Variants in ANXA3 observed in about 807,000 individuals in gnomAD.
ANXA3 encodes annexin A3.
In ANXA3, 46 loss-of-function variants were observed where a neutral mutation model predicts 48.8. The ratio of observed to expected loss-of-function variants is 0.94; its 90% CI spans 0.74 to 1.21. The LOEUF (loss-of-function observed/expected upper bound fraction) is 1.21, where lower values mean the gene tolerates loss of function less well. Ranked by LOEUF, ANXA3 falls within the 50% of genes most tolerant of loss-of-function variation. The pLI, the probability that ANXA3 is intolerant of heterozygous loss-of-function variation, is 0.00. For synonymous variants in ANXA3, 128 were observed against 134.7 expected (o/e 0.95, Z 0.35); for missense variants, 383 against 378.6 (o/e 1.01, Z -0.10).
At chr4:78,558,953 A>G (rs1283429436) in intron 2 of ANXA3, among the ~76,000 whole-genome samples, 1 of 152,212 alleles carries the variant, frequency 6.6e-6, no homozygotes, top group African/African-American at 2.4e-5. Context: ...TTTCTTAGGT[A>G]AATACTCTGA....
At position 78,579,007 on chromosome 4, in the gene ANXA3, A is replaced by G. The variant is rs775883378; in HGVS notation, c.104-20A>G. ...ATGTTGAGCATAAATATTGAGTAAA[A>G]TAACTTTTGTTTCATTTAGGAACTG... is the stretch of plus-strand genomic sequence containing the variant. On this transcript the variant is annotated intron_variant, in intron 3 of 12. Transcript: ENST00000264908. 16 of 1,550,742 alleles carry G rather than the reference A, an allele frequency of 1.0e-5. No individual in the cohort carries two copies. The highest frequency in any genetic ancestry group is 1.7e-4 in the Middle Eastern group (1 of 5,926).
intron 4 of ANXA3, 68 bp downstream of exon 4, chr4:78,579,189 T>A (rs1323303949): frequency 9.6e-7 from 1 of 1,042,834 alleles, no homozygotes; most frequent in Non-Finnish European, 1.5e-6. Context: ...CCCACATGGT[T>A]ATGCCCACAG....
At chr4:78,585,951 G>A (rs2109939657) in intron 5 of ANXA3, among the ~76,000 whole-genome samples, 1 of 152,308 alleles carries the variant, frequency 6.6e-6, no homozygotes, top group East Asian at 1.9e-4. Flanking sequence ...TTGAATGTTG[G>A]TAGGGTTAAT....
intron 4 of ANXA3, among the ~76,000 whole-genome samples, chr4:78,581,920 A>G (rs563494982): frequency 6.6e-6 from 1 of 152,228 alleles, no homozygotes; most frequent in African/African-American, 2.4e-5. Context: ...GCATTTGAAT[A>G]CAGTTCCTAA....
Position 78,552,929 on chromosome 4 carries a change from A to G in ANXA3, c.-39+1070A>G, listed in dbSNP as rs577974859. Among the ~76,000 whole-genome samples, 5 of 152,358 alleles carry G rather than the reference A, an allele frequency of 3.3e-5. No individual in the cohort carries two copies. In the East Asian group the frequency reaches 9.6e-4, roughly 29 times the overall value. On this transcript the variant is annotated intron_variant, in intron 1 of 12. Transcript: ENST00000264908. ...ACCTGTTTAGAAATAACCGTAGAGG[A>G]GGAAGTAAAAGGAAATGATGTAATC...
intron 4 of ANXA3, 22 bp from the exon 5 acceptor site, chr4:78,582,154 TC>T (rs1723084051): frequency 6.7e-7 from 1 of 1,502,298 alleles, no homozygotes; most frequent in Non-Finnish European, 9.2e-7. Context: ...TTCACATTTT[TC>T]CCCTTGGTTT....
intron 5 of ANXA3, 93 bp downstream of exon 5, chr4:78,582,383 C>A: frequency 1.3e-6 from 1 of 788,646 alleles, no homozygotes; most frequent in Non-Finnish European, 2.1e-6. Flanking sequence ...GATGGGTGGA[C>A]TTGGATGCCC....
At chr4:78,583,749 G>C (rs1046453153) in intron 5 of ANXA3, among the ~76,000 whole-genome samples, 12 of 152,224 alleles carry the variant, frequency 7.9e-5, no homozygotes, top group African/African-American at 2.9e-4. Flanking sequence ...ACAAGCTGAA[G>C]CTGCTGTCCA....
intron 6 of ANXA3, among the ~76,000 whole-genome samples, chr4:78,588,480 C>T (rs991862482): frequency 3.9e-5 from 6 of 152,162 alleles, no homozygotes; most frequent in African/African-American, 1.2e-4. Flanking sequence ...TATAACCCCC[C>T]AGACCTGAGA....
At chr4:78,567,940 C>T (rs1000038790) in intron 2 of ANXA3, among the ~76,000 whole-genome samples, 3 of 152,252 alleles carry the variant, frequency 2.0e-5, no homozygotes, top group African/African-American at 7.2e-5. Flanking sequence ...ATACTGGCAG[C>T]TCGCAGCTGC....
At chr4:78,601,687 ATAAAT>A (rs1723546204) in intron 11 of ANXA3, 119 bp downstream of exon 11, 1 of 823,206 alleles carries the variant, frequency 1.2e-6, no homozygotes, top group Non-Finnish European at 1.9e-6. Context: ...ACATTTTAAG[ATAAAT>A]TATATTACAG....
intron 2 of ANXA3, among the ~76,000 whole-genome samples, chr4:78,561,432 G>T (rs904070820): frequency 1.3e-5 from 2 of 152,136 alleles, no homozygotes; most frequent in Admixed American, 1.3e-4. Flanking sequence ...CTGTCCCATA[G>T]AAGACACCAG....
intron 1 of ANXA3, among the ~76,000 whole-genome samples, chr4:78,553,574 A>T (rs559374374): frequency 6.6e-6 from 1 of 152,238 alleles, no homozygotes; most frequent in Admixed American, 6.5e-5. Context: ...AGAATAGTTT[A>T]TCTGGCTGTA....
intron 2 of ANXA3, among the ~76,000 whole-genome samples, chr4:78,562,321 CAA>C (rs1722643430): frequency 6.6e-6 from 1 of 152,212 alleles, no homozygotes; most frequent in East Asian, 1.9e-4. Context: ...AGAAAATTCT[CAA>C]GTCTATCCCT....
At chr4:78,555,640 A>G (rs1356193814) in intron 2 of ANXA3, among the ~76,000 whole-genome samples, 1 of 151,930 alleles carries the variant, frequency 6.6e-6, no homozygotes, top group African/African-American at 2.4e-5. Context: ...GAAGTTCGAG[A>G]CCAGCATGGG....
intron 3 of ANXA3, among the ~76,000 whole-genome samples, chr4:78,576,053 A>T (rs1722945640): frequency 6.6e-6 from 1 of 151,988 alleles, no homozygotes; most frequent in African/African-American, 2.4e-5. Flanking sequence ...GTTATGCTTC[A>T]TTTATCTATT....
At chr4:78,587,302 T>C (rs1287316821) in intron 6 of ANXA3, among the ~76,000 whole-genome samples, 5 of 152,248 alleles carry the variant, frequency 3.3e-5, no homozygotes, top group South Asian at 4.1e-4. Context: ...GCTGATATTG[T>C]GGCTCAAAGC....
At chr4:78,592,217 T>C (rs2867462) in intron 7 of ANXA3, among the ~76,000 whole-genome samples, 108,166 of 152,114 alleles carry the variant, frequency 0.71, 38,814 homozygotes, top group East Asian at 0.88. Flanking sequence ...TGACTTTTAT[T>C]ATAAAGATGG....
chr4:78,571,944 A>C (rs1722848697), intron 2 of ANXA3, among the ~76,000 whole-genome samples: 1 of 152,236 alleles, frequency 6.6e-6, no homozygotes, highest in Admixed American at 6.5e-5. Flanking sequence ...TCATTAAACA[A>C]AGCTTAAGAA....
Sources: allele counts gnomAD v4.1 joint callset (sites outside exome capture counted in the v4.1 genomes callset), GRCh38; gene constraint gnomAD v4.1.1; transcripts MANE v1.5; gene names NCBI Gene and HGNC (gene_info 2026-07-23, HGNC 2026-07-21).